The following IL23R variants were observed in gnomAD, a reference collection of about 807,000 sequenced individuals.
The protein encoded by IL23R is interleukin-23 receptor.
In IL23R, 34 loss-of-function variants were observed where a neutral mutation model predicts 56.9. The ratio of observed to expected loss-of-function variants is 0.60; its 90% CI spans 0.45 to 0.80. The LOEUF (loss-of-function observed/expected upper bound fraction) is 0.80, where lower values mean the gene tolerates loss of function less well. Among genes scored for constraint, IL23R ranks in the 30% least tolerant of loss-of-function variants. The pLI, the probability that IL23R is intolerant of heterozygous loss-of-function variation, is 0.00. For synonymous variants in IL23R, 230 were observed against 249.2 expected (o/e 0.92, Z 0.73); for missense variants, 635 against 730.0 (o/e 0.87, Z 1.50).
intron 6 of IL23R, among the ~76,000 whole-genome samples, chr1:67,219,218 A>C (rs1040808439): frequency 6.6e-6 from 1 of 152,072 alleles, no homozygotes; most frequent in African/African-American, 2.4e-5. Context: ...AATACAAAAA[A>C]GTAGCCAGGT....
downstream of IL23R, among the ~76,000 whole-genome samples, chr1:67,261,762 C>T (rs1327003530): frequency 6.6e-6 from 1 of 152,148 alleles, no homozygotes; most frequent in African/African-American, 2.4e-5. Context: ...TAGTACGTTT[C>T]ACCATAATTG....
In IL23R at chr1:67,189,060, A is replaced by G. The variant is rs140005539; in HGVS notation, c.491+6101A>G. Among the ~76,000 whole-genome samples, 476 of 152,144 alleles carry G rather than the reference A, an allele frequency of 3.1e-3. 5 individuals carry two copies. The highest frequency in any genetic ancestry group is 0.011 in the African/African-American group (459 of 41,542). On this transcript the variant is annotated intron_variant, in intron 4 of 10. Coordinates refer to ENST00000347310, the MANE Select transcript of IL23R (RefSeq NM_144701.3). Reference sequence around the variant, plus strand: ...ATATTATAGATAATTTTATTCATATATTTTTAAGTAATACAATAATTTTGG... The same window carrying G: ...ATATTATAGATAATTTTATTCATATGTTTTTAAGTAATACAATAATTTTGG...
intron 6 of IL23R, among the ~76,000 whole-genome samples, chr1:67,218,651 T>C (rs1401201531): frequency 1.3e-5 from 2 of 150,540 alleles, no homozygotes; most frequent in East Asian, 1.9e-4. Flanking sequence ...AGGCTGGGTA[T>C]GGTGGCTCAC....
intron 1 of IL23R, among the ~76,000 whole-genome samples, chr1:67,160,158 C>T (rs922679864): frequency 3.9e-5 from 6 of 152,104 alleles, no homozygotes; most frequent in Non-Finnish European, 5.9e-5. Context: ...CAGCCTGGTA[C>T]GTTCTCATGA....
At chr1:67,202,696 C>T (rs1013600353) in intron 5 of IL23R, among the ~76,000 whole-genome samples, 2 of 152,130 alleles carry the variant, frequency 1.3e-5, no homozygotes, top group South Asian at 2.1e-4. Context: ...CTTAGCCTCT[C>T]GAGTAGCTGG....
At chr1:67,213,750 C>T (rs1649651170) in intron 6 of IL23R, among the ~76,000 whole-genome samples, 1 of 152,174 alleles carries the variant, frequency 6.6e-6, no homozygotes, top group Non-Finnish European at 1.5e-5. Flanking sequence ...GATGTTCGTA[C>T]AATGATGAAA....
downstream of IL23R, chr1:67,260,097 T>A (rs1653154878): frequency 6.6e-6 from 1 of 151,296 alleles, no homozygotes; most frequent in Admixed American, 6.6e-5. Flanking sequence ...ACAAAATAAG[T>A]GAAGAATAGA....
downstream of IL23R, among the ~76,000 whole-genome samples, chr1:67,262,685 C>T (rs1345417699): frequency 8.5e-5 from 13 of 152,216 alleles, no homozygotes; most frequent in African/African-American, 3.1e-4. Flanking sequence ...CATACCTATT[C>T]ATCTTTCTAT....
At chr1:67,153,001 T>G (rs1054519978) in intron 1 of IL23R, among the ~76,000 whole-genome samples, 4 of 152,250 alleles carry the variant, frequency 2.6e-5, no homozygotes, top group Admixed American at 6.5e-5. Flanking sequence ...TTCAATTGTC[T>G]GGAGCAGTTT....
upstream of IL23R, among the ~76,000 whole-genome samples, chr1:67,164,651 TAA>T (rs753347151): frequency 3.3e-5 from 5 of 150,788 alleles, no homozygotes; most frequent in African/African-American, 1.2e-4. Flanking sequence ...TAAAATAAAA[TAA>T]AATAAAATAA....
intron 4 of IL23R, among the ~76,000 whole-genome samples, chr1:67,196,899 C>A (rs1648195338): frequency 6.6e-6 from 1 of 152,176 alleles, no homozygotes; most frequent in Non-Finnish European, 1.5e-5. Context: ...AAGACACTGG[C>A]AAGAAGTGCT....
At chr1:67,204,116 T>G (rs372821943) in intron 5 of IL23R, among the ~76,000 whole-genome samples, 3 of 152,136 alleles carry the variant, frequency 2.0e-5, no homozygotes, top group East Asian at 3.9e-4. Flanking sequence ...CAGGCTGGAG[T>G]GCAGTGGCGC....
intron 4 of IL23R, among the ~76,000 whole-genome samples, chr1:67,192,958 G>T (rs1420950977): frequency 6.6e-6 from 1 of 152,128 alleles, no homozygotes; most frequent in East Asian, 1.9e-4. Flanking sequence ...TTCATTCAGA[G>T]ATCAAAGCCA....
chr1:67,234,574 ATTAC>A (rs538008130), intron 7 of IL23R, among the ~76,000 whole-genome samples: 266 of 152,338 alleles, frequency 1.7e-3, no homozygotes, highest in African/African-American at 6.3e-3. Context: ...AACACCATAT[ATTAC>A]TTTTAAATTA....
At chr1:67,213,109 C>T (rs1414917249) in intron 6 of IL23R, among the ~76,000 whole-genome samples, 1 of 152,106 alleles carries the variant, frequency 6.6e-6, no homozygotes, top group African/African-American at 2.4e-5. Flanking sequence ...ATCTGCCCAT[C>T]TCGGCCTCCC....
At chr1:67,192,772 A>C (rs1056599008) in intron 4 of IL23R, among the ~76,000 whole-genome samples, 8 of 152,186 alleles carry the variant, frequency 5.3e-5, no homozygotes, top group African/African-American at 1.9e-4. Context: ...TCTATCTTTT[A>C]AAATGACCTC....
At chr1:67,139,202 C>T (rs1646611820) in intron 1 of IL23R, 1 of 152,090 alleles carries the variant, frequency 6.6e-6, no homozygotes, top group Non-Finnish European at 1.5e-5. Context: ...ATTTATTTTT[C>T]TATAGAAGTA....
At chr1:67,262,160 T>A (rs1653219914), downstream of IL23R, among the ~76,000 whole-genome samples, 1 of 152,226 alleles carries the variant, frequency 6.6e-6, no homozygotes, top group Non-Finnish European at 1.5e-5. Context: ...CTACTGAATG[T>A]CCTTACTGTT....
chr1:67,231,219 G>A (rs377436593), intron 7 of IL23R, among the ~76,000 whole-genome samples: 1 of 152,170 alleles, frequency 6.6e-6, no homozygotes, highest in Admixed American at 6.5e-5. Flanking sequence ...AGAAACCTTA[G>A]AGATGTCTAT....
Sources: allele counts gnomAD v4.1 joint callset (sites outside exome capture counted in the v4.1 genomes callset), GRCh38; gene constraint gnomAD v4.1.1; transcripts MANE v1.5; gene names NCBI Gene and HGNC (gene_info 2026-07-23, HGNC 2026-07-21).